Variants in NPC1 observed in about 807,000 individuals in gnomAD.
The protein encoded by NPC1 is NPC intracellular cholesterol transporter 1, also known as Niemann-Pick C1 protein.
NPC1 carries 85 observed loss-of-function variants against 140.4 expected under a neutral mutation model. The observed-to-expected ratio is 0.61, with a 90% confidence interval of 0.51 to 0.72. NPC1 has a LOEUF of 0.72. Among genes scored for constraint, NPC1 ranks in the 30% least tolerant of loss-of-function variants. NPC1 has a pLI of 0.00. For missense variants in NPC1, 1,504 were observed against 1,623.8 expected (o/e 0.93, Z 1.27); for synonymous variants, 656 against 624.8 (o/e 1.05, Z -0.74).
At chr18:23,551,438 A>T in intron 10 of NPC1, 189 bp downstream of exon 10, 1 of 647,270 alleles carries the variant, frequency 1.5e-6, no homozygotes, top group Non-Finnish European at 2.8e-6. Flanking sequence ...TGGCTAACCC[A>T]ATCCACTTCT....
intron 10 of NPC1, among the ~76,000 whole-genome samples, chr18:23,549,207 CT>C (rs1489500708): frequency 1.3e-5 from 2 of 151,918 alleles, no homozygotes; most frequent in African/African-American, 4.8e-5. Flanking sequence ...TTTTTTTCTT[CT>C]TTTTTAGAGA....
downstream of NPC1, chr18:23,530,353 T>G (rs755119473): frequency 9.9e-6 from 16 of 1,613,926 alleles, no homozygotes; most frequent in East Asian, 3.6e-4. Context: ...TCCTGTTGTT[T>G]GCACTGACCT....
intron 1 of NPC1, among the ~76,000 whole-genome samples, chr18:23,580,302 C>T (rs1281625307): frequency 1.3e-5 from 2 of 152,262 alleles, no homozygotes; most frequent in Non-Finnish European, 2.9e-5. Flanking sequence ...GCCTCCCCTA[C>T]CCCCAGCTTC....
In NPC1 at chr18:23,538,615, G is replaced by T; in HGVS notation, c.2968C>A (p.Pro990Thr). The change falls in exon 20 of 25, where the codon CCT (proline) becomes ACT (threonine). Residue 990 changes from proline (P) to threonine (T), a missense_variant. Physicochemically the swap from Pro to Thr is conservative, Grantham distance 38. Transcript: ENST00000269228. ...RPLTPEGKQRPQGGDFMRFLP... is the reference protein window; with the variant it reads ...RPLTPEGKQRTQGGDFMRFLP... The stretch of plus-strand genomic sequence containing the variant: ...AATCTCATGAAGTCTCCCCCCTGAG[G>T]CCTCTGTTTGCCTTCCGGAGTCAGA... 6.2e-7 allele frequency: 1 copy of T among 1,614,094 alleles called. No homozygotes were observed. Among genetic ancestry groups the T allele is most frequent in the Non-Finnish European group, 8.5e-7 (1 of 1,180,014 alleles).
chr18:23,541,967 CT>C (rs887334640), intron 14 of NPC1, among the ~76,000 whole-genome samples: 15 of 152,048 alleles, frequency 9.9e-5, no homozygotes, highest in African/African-American at 3.6e-4. Flanking sequence ...GATTAAAAAA[CT>C]TTTTTTTATA....
In NPC1 at chr18:23,563,987, G is replaced by GTTTTTTTTTT. The variant is rs71163619; in HGVS notation, c.464-2470_464-2461dup. ...ATTTATTTATCATTGAGTAGTAAGA[G>GTTTTTTTTTT]TTTTTTTTTTTTTTTTTTGGAGATG... On this transcript the variant is annotated intron_variant, in intron 4 of 24. Coordinates refer to ENST00000269228, the MANE Select transcript of NPC1 (RefSeq NM_000271.5). Among the ~76,000 whole-genome samples, 7 of 102,600 alleles carry GTTTTTTTTTT rather than the reference G, an allele frequency of 6.8e-5. 2 individuals are homozygous for GTTTTTTTTTT. Among genetic ancestry groups the GTTTTTTTTTT allele is most frequent in the African/African-American group, 1.6e-4 (4 of 24,594 alleles). The allele number at this position is 102,600 out of a possible 152,430, so 67.3% of individuals were successfully genotyped here. A position where few individuals can be genotyped will look rare whatever the true frequency, so the allele number is the denominator to read the frequency against.
intron 1 of NPC1, among the ~76,000 whole-genome samples, chr18:23,574,105 T>C (rs1445002462): frequency 6.6e-6 from 1 of 152,222 alleles, no homozygotes; most frequent in Non-Finnish European, 1.5e-5. Context: ...AAGCAAAGAA[T>C]GTGCTAACTT....
At chr18:23,549,267 G>T (rs1402910748) in intron 10 of NPC1, among the ~76,000 whole-genome samples, 1 of 152,006 alleles carries the variant, frequency 6.6e-6, no homozygotes, top group Non-Finnish European at 1.5e-5. Flanking sequence ...CACAATCATG[G>T]TTTACTGAAG....
At chr18:23,514,064 G>T (rs1192737426) in intron 3 of NPC1, among the ~76,000 whole-genome samples, 4 of 152,126 alleles carry the variant, frequency 2.6e-5, no homozygotes, top group Non-Finnish European at 5.9e-5. Context: ...ATGCTTCTGA[G>T]ATCTCTAAGG....
At chr18:23,543,246 T>C (rs2058735511) in intron 14 of NPC1, among the ~76,000 whole-genome samples, 1 of 150,616 alleles carries the variant, frequency 6.6e-6, no homozygotes, top group Non-Finnish European at 1.5e-5. Context: ...GGAAAATCGC[T>C]TGAACCCGGG....
At chr18:23,561,830 T>C (rs1051157495) in intron 4 of NPC1, among the ~76,000 whole-genome samples, 3 of 152,120 alleles carry the variant, frequency 2.0e-5, no homozygotes, top group Admixed American at 2.0e-4. Flanking sequence ...CCCCACTATA[T>C]AGAAGAGTAT....
downstream of NPC1, chr18:23,529,610 T>G: frequency 7.5e-6 from 12 of 1,601,716 alleles, no homozygotes; most frequent in Non-Finnish European, 1.0e-5. Context: ...TTGGTATTTG[T>G]AAGACCACAT....
chr18:23,562,890 C>T (rs141227150), intron 4 of NPC1, among the ~76,000 whole-genome samples: 1,779 of 152,192 alleles, frequency 0.012, 36 homozygotes, highest in African/African-American at 0.041. Context: ...AATATAATTA[C>T]ATGTAATTTA....
intron 1 of NPC1, among the ~76,000 whole-genome samples, chr18:23,578,251 C>T (rs1259052136): frequency 6.6e-6 from 1 of 152,242 alleles, no homozygotes; most frequent in East Asian, 1.9e-4. Context: ...TTATTATACC[C>T]CTTTTACAGA....
chr18:23,521,752 T>G (rs1443524391), downstream of NPC1, among the ~76,000 whole-genome samples: 1 of 152,018 alleles, frequency 6.6e-6, no homozygotes, highest in Non-Finnish European at 1.5e-5. Context: ...AGGCTAGAAG[T>G]TCAAGATCAA....
chr18:23,531,193 A>G (rs1598924086), downstream of NPC1, among the ~76,000 whole-genome samples: 1 of 151,884 alleles, frequency 6.6e-6, no homozygotes, highest in East Asian at 1.9e-4. Context: ...GTTTTACTAT[A>G]TTGTCCAGGC....
intron 4 of NPC1, among the ~76,000 whole-genome samples, chr18:23,567,237 T>TCCA (rs1354588503): frequency 1.5e-4 from 23 of 152,348 alleles, no homozygotes; most frequent in African/African-American, 5.5e-4. Flanking sequence ...TAAATTATCT[T>TCCA]CCAAGGTGGC....
intron 24 of NPC1, 24 bp downstream of exon 24, chr18:23,533,330 AC>A (rs1377784308): frequency 1.2e-6 from 2 of 1,608,772 alleles, no homozygotes; most frequent in Admixed American, 1.7e-5. Context: ...CTATTGTGCC[AC>A]CCTTTTAAGA....
At chr18:23,516,362 C>A in intron 3 of NPC1, 2 of 1,614,244 alleles carry the variant, frequency 1.2e-6, no homozygotes, top group East Asian at 4.5e-5. Flanking sequence ...GATTGAATTA[C>A]CAGCTGCGCC....
Sources: allele counts gnomAD v4.1 joint callset (sites outside exome capture counted in the v4.1 genomes callset), GRCh38; gene constraint gnomAD v4.1.1; transcripts MANE v1.5; gene names NCBI Gene and HGNC (gene_info 2026-07-23, HGNC 2026-07-21).